Variants in CDC73 observed in about 807,000 individuals in gnomAD.
The protein encoded by CDC73 is parafibromin.
In CDC73, 21 loss-of-function variants were observed where a neutral mutation model predicts 83.7. That is an observed-to-expected ratio of 0.25 (90% CI 0.18 to 0.36). The LOEUF is 0.36. Among genes scored for constraint, CDC73 ranks in the 10% least tolerant of loss-of-function variants. CDC73 has a pLI of 1.00. For missense variants in CDC73, 342 were observed against 653.3 expected (o/e 0.52, Z 5.19); for synonymous variants, 224 against 212.9 (o/e 1.05, Z -0.45).
intron 10 of CDC73, chr1:193,180,936 G>A (rs1479912597): frequency 1.2e-6 from 2 of 1,613,506 alleles, no homozygotes; most frequent in Non-Finnish European, 8.5e-7. Flanking sequence ...GATATTGTCT[G>A]CTTTCTTCCA....
rs531253250 is a variant in CDC73, at chr1:193,163,193, T to A, written c.972+10749T>A. Among the ~76,000 whole-genome samples the A allele has an allele frequency of 4.1e-4, 62 of 149,752 alleles. No homozygotes were observed. In the East Asian group the frequency reaches 7.8e-3, roughly 19 times the overall value. ...TGTGTGTGTGGGTGTGTGTGTATAT[T>A]TTTTTTTTCCCCCTCCTAGAAAAGT... On this transcript the variant is annotated intron_variant, in intron 10 of 16. Transcript: ENST00000367435.
intron 10 of CDC73, among the ~76,000 whole-genome samples, chr1:193,182,762 TTTG>T (rs983357712): frequency 2.6e-5 from 4 of 152,126 alleles, no homozygotes; most frequent in African/African-American, 7.2e-5. Context: ...TCTTAGTGTT[TTTG>T]TTGTTGTTTT....
intron 11 of CDC73, among the ~76,000 whole-genome samples, chr1:193,204,171 A>T (rs7551600): frequency 2.7e-5 from 4 of 147,922 alleles, no homozygotes; most frequent in Non-Finnish European, 4.5e-5. Context: ...TTTGTTTTTT[A>T]TATATATATA....
At chr1:193,196,426 T>C (rs1177755305) in intron 10 of CDC73, among the ~76,000 whole-genome samples, 1 of 152,202 alleles carries the variant, frequency 6.6e-6, no homozygotes, top group Non-Finnish European at 1.5e-5. Context: ...CCAACTTTGA[T>C]CTTTTTCACA....
intron 10 of CDC73, among the ~76,000 whole-genome samples, chr1:193,183,817 A>G (rs559825235): frequency 1.3e-5 from 2 of 152,054 alleles, no homozygotes; most frequent in African/African-American, 4.8e-5. Context: ...TGCTGATATG[A>G]TAATACTTGG....
rs550657032 is a variant in CDC73, at chr1:193,248,208, T to C, written c.1418-1522T>C. 1.8e-4 allele frequency among the ~76,000 whole-genome samples: 27 copies of C among 152,196 alleles called. No homozygotes were observed. The South Asian group carries it at 2.1e-3, about 12-fold the overall frequency. ...ATCCTAGGGCCGCTAGGAATTATGC[T>C]AAGTCTACTCTGCCTGTGCTTTAGA... On this transcript the variant is annotated intron_variant, in intron 15 of 16. Coordinates refer to ENST00000367435, the MANE Select transcript of CDC73 (RefSeq NM_024529.5).
intron 2 of CDC73, among the ~76,000 whole-genome samples, chr1:193,126,082 G>A (rs1171040630): frequency 6.6e-6 from 1 of 152,154 alleles, no homozygotes; most frequent in African/African-American, 2.4e-5. Flanking sequence ...GCAACATAGT[G>A]AGATGCCATC....
chr1:193,137,619 C>T (rs893745607), intron 5 of CDC73, among the ~76,000 whole-genome samples: 1 of 152,014 alleles, frequency 6.6e-6, no homozygotes, highest in African/African-American at 2.4e-5. Flanking sequence ...AATGACCATC[C>T]TTTGAAAACC....
chr1:193,203,603 A>G (rs1022743922), intron 10 of CDC73, among the ~76,000 whole-genome samples, 192 bp from the exon 11 acceptor site: 1 of 152,224 alleles, frequency 6.6e-6, no homozygotes, highest in Non-Finnish European at 1.5e-5. Flanking sequence ...ACTTAATAGC[A>G]TAAAAGATCA....
intron 11 of CDC73, 90 bp downstream of exon 11, chr1:193,203,942 T>C: frequency 9.8e-7 from 1 of 1,019,632 alleles, no homozygotes; most frequent in Non-Finnish European, 1.6e-6. Context: ...TGAACAAACT[T>C]AAATTTTACT....
Position 193,147,853 on chromosome 1 carries a change from C to G in CDC73, c.730-14C>G, listed in dbSNP as rs183077646. The G allele has an allele frequency of 5.6e-6, 8 of 1,418,258 alleles. No individual in the cohort carries two copies. The East Asian group carries it at 1.7e-4, about 30-fold the overall frequency. The allele number at this position is 1,418,258 out of a possible 1,614,324, so 87.9% of individuals were successfully genotyped here. ...ATTTAAAGTGGGCTTAATTAAAATCCATTTATATTTTAGAATTTTTCCAAG... is the reference window on the plus strand; with the variant it reads ...ATTTAAAGTGGGCTTAATTAAAATCGATTTATATTTTAGAATTTTTCCAAG... On this transcript the variant is annotated splice_polypyrimidine_tract_variant and intron_variant, in intron 7 of 16. Coordinates refer to ENST00000367435, the MANE Select transcript of CDC73 (RefSeq NM_024529.5).
intron 7 of CDC73, among the ~76,000 whole-genome samples, chr1:193,143,208 A>G (rs1675936661): frequency 6.6e-6 from 1 of 152,212 alleles, no homozygotes; most frequent in Admixed American, 6.5e-5. Context: ...GAGATTAAGA[A>G]TCATTCTCCA....
chr1:193,249,014 T>C (rs1677998761), intron 15 of CDC73, among the ~76,000 whole-genome samples: 2 of 152,102 alleles, frequency 1.3e-5, no homozygotes, highest in Non-Finnish European at 1.5e-5. Context: ...AAGGAAGTTC[T>C]TCTGTAAGTA....
At chr1:193,166,484 T>G (rs1463898816) in intron 10 of CDC73, among the ~76,000 whole-genome samples, 4 of 152,146 alleles carry the variant, frequency 2.6e-5, no homozygotes, top group Admixed American at 2.0e-4. Context: ...TAGTCTACAG[T>G]GATTTAAAAT....
At chr1:193,204,796 A>G (rs935845678) in intron 11 of CDC73, among the ~76,000 whole-genome samples, 21 of 152,310 alleles carry the variant, frequency 1.4e-4, no homozygotes, top group Middle Eastern at 3.4e-3. Context: ...ACATTTTTAA[A>G]AGTTTAAAAG....
chr1:193,204,205 G>GTGTATATATA (rs10547632), intron 11 of CDC73, among the ~76,000 whole-genome samples: 5 of 13,972 alleles, frequency 3.6e-4, no homozygotes, highest in Non-Finnish European at 6.5e-4. Flanking sequence ...ATATATATAC[G>GTGTATATATA]TGTATATATA....
chr1:193,231,990 T>C (rs1677669815), intron 13 of CDC73, among the ~76,000 whole-genome samples: 1 of 152,144 alleles, frequency 6.6e-6, no homozygotes, highest in African/African-American at 2.4e-5. Context: ...ATTTAGAAAA[T>C]AAGACTTTTA....
At chr1:193,150,459 G>A (rs1278303246) in intron 9 of CDC73, 77 bp downstream of exon 9, 2 of 1,028,360 alleles carry the variant, frequency 1.9e-6, no homozygotes, top group Non-Finnish European at 3.1e-6. Context: ...GATGTTTAAG[G>A]GTAAGGGTTG....
chr1:193,190,089 G>C (rs1427146775), intron 10 of CDC73, among the ~76,000 whole-genome samples: 1 of 152,132 alleles, frequency 6.6e-6, no homozygotes, highest in Non-Finnish European at 1.5e-5. Flanking sequence ...GTTGGTCCCT[G>C]AATTCAAGGA....
Sources: gnomAD v4.1 joint callset for allele counts (sites outside exome capture counted in the v4.1 genomes callset) on GRCh38, gnomAD v4.1.1 for gene constraint, MANE v1.5 for transcripts, NCBI Gene and HGNC (gene_info 2026-07-23, HGNC 2026-07-21) for gene names.